THADA: variants seen among roughly 807,000 people sequenced by gnomAD.
The protein encoded by THADA is tRNA (32-2'-O)-methyltransferase regulator THADA.
In THADA, 213 loss-of-function variants were observed where a neutral mutation model predicts 219.8. That is an observed-to-expected ratio of 0.97 (90% CI 0.87 to 1.09). The LOEUF is 1.09. THADA is among the 50% of genes least tolerant of loss of function. The pLI is 0.00. For missense variants in THADA, 2,956 were observed against 2,311.3 expected, an observed-to-expected ratio of 1.28 and a Z score of -5.72; for synonymous variants, 1,018 against 828.9, an observed-to-expected ratio of 1.23 and a Z score of -3.92.
At chr2:43,422,099 G>C (rs757479440) in intron 28 of THADA, among the ~76,000 whole-genome samples, 1 of 152,198 alleles carries the variant, frequency 6.6e-6, no homozygotes, top group Non-Finnish European at 1.5e-5. Flanking sequence ...CTCAACATGT[G>C]ATCAGTTTTC....
At chr2:43,577,272 T>C (rs978485135) in intron 9 of THADA, 30 bp from the exon 10 acceptor site, 6 of 1,495,990 alleles carry the variant, frequency 4.0e-6, no homozygotes, top group South Asian at 2.5e-5. Flanking sequence ...CTAACACACA[T>C]AAAGCTTTTA....
chr2:43,421,381 C>T (rs1677700906), intron 28 of THADA, among the ~76,000 whole-genome samples: 1 of 152,172 alleles, frequency 6.6e-6, no homozygotes, highest in Non-Finnish European at 1.5e-5. Flanking sequence ...CTCTGAACCT[C>T]ATGGAATTTA....
chr2:43,262,094 T>C (rs1250414809), intron 36 of THADA, among the ~76,000 whole-genome samples: 2 of 152,246 alleles, frequency 1.3e-5, no homozygotes, highest in African/African-American at 4.8e-5. Context: ...CTTATCTCTT[T>C]ATCAAAGTGA....
chr2:43,369,669 C>T (rs550673416), intron 29 of THADA, among the ~76,000 whole-genome samples: 9 of 152,270 alleles, frequency 5.9e-5, no homozygotes, highest in African/African-American at 2.2e-4. Flanking sequence ...AGGACAGGCA[C>T]TTGGGAATCC....
chr2:43,570,034 A>G (rs1417058668), intron 14 of THADA, among the ~76,000 whole-genome samples: 1 of 152,246 alleles, frequency 6.6e-6, no homozygotes, highest in African/African-American at 2.4e-5. Flanking sequence ...CAAACTAAAG[A>G]GAAAACAGGC....
intron 29 of THADA, among the ~76,000 whole-genome samples, chr2:43,378,294 G>C (rs1320988332): frequency 1.3e-5 from 2 of 152,016 alleles, no homozygotes; most frequent in African/African-American, 4.8e-5. Context: ...ATACATCTGA[G>C]GAAATAATCA....
rs777150338 is a variant in THADA, at chr2:43,592,333, G to T, written c.60C>A (p.Asp20Glu). ...GTCACCTACATTTCAAAGTTTCAAG[G>T]TCCTGATGGCAAATGGTCAGCGCAG... ...QVAALTICHQ[D>E]LETLKSFADV... The change falls in exon 2 of 38, where the codon GAC (aspartate) becomes GAA (glutamate). Residue 20 changes from aspartate (D) to glutamate (E), a missense_variant. By Grantham distance (45) the Asp-to-Glu change is conservative (BLOSUM62 2). Transcript: ENST00000405975. 3.1e-6 allele frequency: 5 copies of T among 1,607,082 alleles called. No individual in the cohort carries two copies. Among genetic ancestry groups the T allele is most frequent in the Non-Finnish European group, 3.4e-6 (4 of 1,176,882 alleles).
chr2:43,531,553 C>T (rs1248775117), intron 21 of THADA, among the ~76,000 whole-genome samples: 1 of 152,196 alleles, frequency 6.6e-6, no homozygotes, highest in African/African-American at 2.4e-5. Context: ...AGAGAAGAAA[C>T]ACACCAGGCT....
intron 16 of THADA, 53 bp from the exon 17 acceptor site, chr2:43,556,608 A>C: frequency 6.6e-7 from 1 of 1,525,944 alleles, no homozygotes; most frequent in Non-Finnish European, 8.9e-7. Flanking sequence ...TCTTTAATTT[A>C]AAAAAATAGT....
At chr2:43,234,370 A>T (rs1180025907) in intron 36 of THADA, among the ~76,000 whole-genome samples, 1 of 152,180 alleles carries the variant, frequency 6.6e-6, no homozygotes, top group Non-Finnish European at 1.5e-5. Context: ...TGATCTCACC[A>T]TCTTGAGAGC....
intron 19 of THADA, 136 bp from the exon 20 acceptor site, chr2:43,549,504 G>T: frequency 1.2e-6 from 1 of 863,076 alleles, no homozygotes; most frequent in Admixed American, 3.5e-5. Context: ...TCACAAGGTG[G>T]ATAATATGAA....
chr2:43,422,741 G>A (rs1223916995), intron 28 of THADA, among the ~76,000 whole-genome samples: 1 of 152,118 alleles, frequency 6.6e-6, no homozygotes, highest in East Asian at 1.9e-4. Flanking sequence ...TTGGGGGACA[G>A]GGTCTCGCTC....
At chr2:43,361,477 A>T (rs1669516553) in intron 29 of THADA, among the ~76,000 whole-genome samples, 1 of 151,848 alleles carries the variant, frequency 6.6e-6, no homozygotes, top group Non-Finnish European at 1.5e-5. Flanking sequence ...TGAAAAGGAG[A>T]CTCACTTCAC....
At chr2:43,568,339 C>T (rs563356123) in intron 14 of THADA, among the ~76,000 whole-genome samples, 1 of 152,284 alleles carries the variant, frequency 6.6e-6, no homozygotes, top group East Asian at 1.9e-4. Context: ...CCTCTTCTCC[C>T]CCAGCACTTA....
At chr2:43,574,254 G>C in intron 11 of THADA, 82 bp downstream of exon 11, 1 of 930,536 alleles carries the variant, frequency 1.1e-6, no homozygotes. Flanking sequence ...ATTTAAATTT[G>C]AATATGATTA....
chr2:43,551,883 C>G lies in THADA; in HGVS notation c.2853G>C (p.Lys951Asn). The change falls in exon 19 of 38, where the codon AAG (lysine) becomes AAC (asparagine). Residue 951 changes from lysine to asparagine, a missense_variant. Lys to Asn is a moderately conservative substitution (Grantham distance 94). Transcript: ENST00000405975. The stretch of plus-strand genomic sequence containing the variant: ...AAAGCCTGTAGGACATCAAAAGGAG[C>G]TTCTCTACCACAGGTCTCCACTCGC... ...LVSEWRPVVE[K>N]LLLMSYRLST... 1 of 1,613,870 alleles carries G rather than the reference C, an allele frequency of 6.2e-7. No homozygotes were observed. Among genetic ancestry groups the G allele is most frequent in the Non-Finnish European group, 8.5e-7 (1 of 1,179,856 alleles).
chr2:43,425,450 G>GTGTA (rs778380875), intron 28 of THADA, among the ~76,000 whole-genome samples: 3 of 82,800 alleles, frequency 3.6e-5, no homozygotes, highest in Admixed American at 3.1e-4. Context: ...AATTGTATGT[G>GTGTA]TGTGTGTGTG....
At chr2:43,309,380 T>C (rs767209717) in intron 31 of THADA, among the ~76,000 whole-genome samples, 8 of 152,210 alleles carry the variant, frequency 5.3e-5, no homozygotes, top group Non-Finnish European at 8.8e-5. Flanking sequence ...CGAACACTTC[T>C]ATGTGAATGT....
At chr2:43,432,406 T>C (rs1227963427) in intron 26 of THADA, among the ~76,000 whole-genome samples, 1 of 152,158 alleles carries the variant, frequency 6.6e-6, no homozygotes, top group Non-Finnish European at 1.5e-5. Flanking sequence ...TTCCATTATA[T>C]GAATCTGTAA....
Sources: gnomAD v4.1 joint callset for allele counts (sites outside exome capture counted in the v4.1 genomes callset) on GRCh38, gnomAD v4.1.1 for gene constraint, MANE v1.5 for transcripts, NCBI Gene and HGNC (gene_info 2026-07-23, HGNC 2026-07-21) for gene names.